SUPT16H: variants seen among roughly 807,000 people sequenced by gnomAD.
SUPT16H encodes FACT complex subunit SPT16.
In SUPT16H, 24 loss-of-function variants were observed where a neutral mutation model predicts 136.2. That is an observed-to-expected ratio of 0.18 (90% CI 0.13 to 0.25). SUPT16H has a LOEUF of 0.25. Ranked by LOEUF, SUPT16H falls within the 10% of genes least tolerant of loss-of-function variation. SUPT16H has a pLI of 1.00. For synonymous variants in SUPT16H, 415 were observed against 428.2 expected, an observed-to-expected ratio of 0.97 and a Z score of 0.38; for missense variants, 623 against 1,270.2, an observed-to-expected ratio of 0.49 and a Z score of 7.74.
chr14:21,358,893 C>T (rs1052747694), intron 19 of SUPT16H, among the ~76,000 whole-genome samples: 1 of 146,492 alleles, frequency 6.8e-6, no homozygotes. Flanking sequence ...CAACCTCTGC[C>T]TCCCAGGTTC....
intron 1 of SUPT16H, among the ~76,000 whole-genome samples, chr14:21,377,843 T>C (rs1886936804): frequency 1.3e-5 from 2 of 152,292 alleles, no homozygotes; most frequent in African/African-American, 2.4e-5. Flanking sequence ...AGGGTAGTCT[T>C]GAGCTCCTGG....
Position 21,352,495 on chromosome 14 carries a change from T to C in SUPT16H, c.*178A>G. ...ATCTGAATGGGGCCATTGGCACGTG[T>C]CCTGGTGGGCCTGGAATTCCCCGAG... On this transcript the variant is annotated 3_prime_UTR_variant, in exon 26 of 26. Transcript: ENST00000216297. 2 of 981,118 alleles carry C rather than the reference T, an allele frequency of 2.0e-6. No homozygotes were observed. Among genetic ancestry groups the C allele is most frequent in the Non-Finnish European group, 3.0e-6 (2 of 662,086 alleles). The allele number at this position is 981,118 out of a possible 1,614,324, so 60.8% of individuals were successfully genotyped here.
intron 6 of SUPT16H, among the ~76,000 whole-genome samples, chr14:21,368,943 A>G (rs955747166): frequency 1.3e-5 from 2 of 152,166 alleles, no homozygotes; most frequent in Non-Finnish European, 2.9e-5. Context: ...GGCGAGGATG[A>G]AAAGAAGTGG....
intron 1 of SUPT16H, among the ~76,000 whole-genome samples, chr14:21,382,753 T>C (rs1355828645): frequency 6.6e-6 from 1 of 152,220 alleles, no homozygotes; most frequent in Non-Finnish European, 1.5e-5. Flanking sequence ...TCAGTATTCA[T>C]CTAGCATTTA....
intron 8 of SUPT16H, among the ~76,000 whole-genome samples, chr14:21,365,903 G>C (rs979238796): frequency 6.6e-6 from 1 of 152,128 alleles, no homozygotes; most frequent in African/African-American, 2.4e-5. Flanking sequence ...ACGAGGTCAA[G>C]ACCAGCCTGG....
intron 1 of SUPT16H, among the ~76,000 whole-genome samples, chr14:21,379,234 G>C (rs942210453): frequency 1.3e-5 from 2 of 152,044 alleles, no homozygotes; most frequent in Non-Finnish European, 2.9e-5. Context: ...CCAGGAGTTA[G>C]AGACCAGCCT....
In SUPT16H at chr14:21,369,600, A is replaced by G; in HGVS notation, c.630+150T>C. ...CAAGAAAACATAACGCAGGCTTACC[A>G]TTATTTTGAAAGGGAGATGATGTAA... On this transcript the variant is annotated intron_variant, in intron 5 of 25. Transcript: ENST00000216297. 4 of 1,117,920 alleles carry G rather than the reference A, an allele frequency of 3.6e-6. No individual in the cohort carries two copies. The South Asian group carries it at 6.2e-5, about 17-fold the overall frequency. The allele number at this position is 1,117,920 out of a possible 1,614,324, so 69.3% of individuals were successfully genotyped here.
At position 21,352,783 on chromosome 14, in the gene SUPT16H, GTTC is replaced by G. The variant is rs770668791; in HGVS notation, c.3031_3033del (p.Glu1011del). ...CTCTTCCGGCTCATACTTCGACTTT[GTTC>G]TTCTTCTTCCTCGTAACGACTTTCT... On this transcript the variant is annotated inframe_deletion, in exon 26 of 26. Coordinates refer to ENST00000216297, the MANE Select transcript of SUPT16H (RefSeq NM_007192.4). 56 of 1,613,836 alleles carry G rather than the reference GTTC, an allele frequency of 3.5e-5. No homozygotes were observed. The highest frequency in any genetic ancestry group is 6.7e-5 in the East Asian group (3 of 44,888).
intron 4 of SUPT16H, 118 bp downstream of exon 4, chr14:21,370,217 TA>T: frequency 7.5e-7 from 1 of 1,324,914 alleles, no homozygotes; most frequent in Non-Finnish European, 1.0e-6. Flanking sequence ...CCAAAGGGGA[TA>T]AAATGTAAAC....
At chr14:21,360,574 G>GT in intron 17 of SUPT16H, 41 bp from the exon 18 acceptor site, 1 of 1,557,650 alleles carries the variant, frequency 6.4e-7, no homozygotes, top group Non-Finnish European at 8.8e-7. Flanking sequence ...GTATAATTAA[G>GT]TTAGGCCAAA....
intron 7 of SUPT16H, among the ~76,000 whole-genome samples, chr14:21,367,250 T>C (rs111312834): frequency 9.2e-5 from 14 of 152,322 alleles, no homozygotes; most frequent in African/African-American, 3.1e-4. Context: ...TTCTTAATCA[T>C]ACTATTTGAG....
intron 22 of SUPT16H, among the ~76,000 whole-genome samples, chr14:21,356,565 A>C (rs1464392144): frequency 6.6e-6 from 1 of 152,008 alleles, no homozygotes; most frequent in Non-Finnish European, 1.5e-5. Flanking sequence ...GCATCCTAGA[A>C]TAACCTCATC....
In SUPT16H at chr14:21,361,213, A is replaced by G; in HGVS notation, c.1794T>C (p.Ile598=). The G allele has an allele frequency of 6.2e-7, 1 of 1,613,288 alleles. No homozygotes were observed. The highest frequency in any genetic ancestry group is 8.5e-7 in the Non-Finnish European group (1 of 1,179,882). Residue 598 remains isoleucine, a splice_region_variant and synonymous_variant, in exon 16 of 26, where the codon ATT becomes ATC. Coordinates refer to ENST00000216297, the MANE Select transcript of SUPT16H (RefSeq NM_007192.4). Reference sequence around the variant, plus strand: ...CCTTAATATTTGATGCTCGGTATGTACTGCAGAAAAGCAACAGCATTTATA... The same window carrying G: ...CCTTAATATTTGATGCTCGGTATGTGCTGCAGAAAAGCAACAGCATTTATA... ...PNPEATFVKE[I]TYRASNIKAP...
At chr14:21,359,675 A>C in intron 18 of SUPT16H, 66 bp from the exon 19 acceptor site, 1 of 1,570,754 alleles carries the variant, frequency 6.4e-7, no homozygotes. Flanking sequence ...TGGAAATGGC[A>C]GTGATCCAAA....
chr14:21,383,521 G>C, intron 1 of SUPT16H: 1 of 643,766 alleles, frequency 1.6e-6, no homozygotes, highest in South Asian at 1.7e-5. Flanking sequence ...GAGTGCGTGA[G>C]AACACGGCAG....
At position 21,362,917 on chromosome 14, in the gene SUPT16H, G is replaced by A. The variant is rs780680880; in HGVS notation, c.1542C>T (p.Asn514=). 39 of 1,613,576 alleles carry A rather than the reference G, an allele frequency of 2.4e-5. No individual in the cohort carries two copies. Among genetic ancestry groups the A allele is most frequent in the Non-Finnish European group, 3.1e-5 (37 of 1,179,932 alleles). Residue 514 remains asparagine (N), a synonymous_variant, in exon 14 of 26, where the codon AAC becomes AAT. Coordinates refer to ENST00000216297, the MANE Select transcript of SUPT16H (RefSeq NM_007192.4). ...GTGGTTCCTTAGGCATCAGAGATGG[G>A]TTTTTATAGGACACATTAGACTTGC... ...KARKSNVSYK[N]PSLMPKEPHI...
intron 1 of SUPT16H, chr14:21,383,648 T>C (rs936385637): frequency 1.4e-6 from 1 of 712,532 alleles, no homozygotes; most frequent in East Asian, 2.7e-5. Flanking sequence ...GCGGGGAAGA[T>C]GGTGATGGCC....
chr14:21,377,372 TCAAAAGTAA>T (rs1886925704), intron 1 of SUPT16H, among the ~76,000 whole-genome samples: 1 of 152,172 alleles, frequency 6.6e-6, no homozygotes, highest in Non-Finnish European at 1.5e-5. Context: ...ATCAGCCTTC[TCAAAAGTAA>T]CACTGAAGTC....
chr14:21,364,504 G>A (rs1028196093), intron 10 of SUPT16H, among the ~76,000 whole-genome samples: 1 of 152,152 alleles, frequency 6.6e-6, no homozygotes, highest in African/African-American at 2.4e-5. Flanking sequence ...CATATCAGGT[G>A]GGTGAATTGT....
Sources: gnomAD v4.1 joint callset for allele counts (sites outside exome capture counted in the v4.1 genomes callset) on GRCh38, gnomAD v4.1.1 for gene constraint, MANE v1.5 for transcripts, NCBI Gene and HGNC (gene_info 2026-07-23, HGNC 2026-07-21) for gene names.